RGS17: variants seen among roughly 807,000 people sequenced by gnomAD.
RGS17 encodes the protein regulator of G protein signaling 17, also known as regulator of G-protein signaling 17.
Under a neutral mutation model 25.5 loss-of-function variants are expected in RGS17, and 12 were observed. The ratio of observed to expected loss-of-function variants is 0.47; its 90% CI spans 0.30 to 0.76. The LOEUF (loss-of-function observed/expected upper bound fraction) is 0.76, where lower values mean the gene tolerates loss of function less well. Among genes scored for constraint, RGS17 ranks in the 30% least tolerant of loss-of-function variants. The probability of loss-of-function intolerance (pLI) is 0.07; values close to 1 mark genes in which losing one functional copy is unlikely to be tolerated. For synonymous variants in RGS17, 71 were observed against 76.9 expected (o/e 0.92, Z 0.40); for missense variants, 196 against 242.2 (o/e 0.81, Z 1.27).
intron 2 of RGS17, among the ~76,000 whole-genome samples, chr6:153,035,936 G>A (rs1776233600): frequency 6.6e-6 from 1 of 152,164 alleles, no homozygotes; most frequent in South Asian, 2.1e-4. Flanking sequence ...AAGCCCTCCT[G>A]GCTGGTCAAA....
At chr6:153,093,228 G>A (rs1584153625) in intron 1 of RGS17, among the ~76,000 whole-genome samples, 2 of 152,112 alleles carry the variant, frequency 1.3e-5, no homozygotes, top group African/African-American at 2.4e-5. Flanking sequence ...AGTGGCTATT[G>A]TGTGAATGGC....
chr6:153,020,124 ATATATATATATATATTTTTTTTTTTT>A (rs2129106393), intron 4 of RGS17, among the ~76,000 whole-genome samples: 1 of 92,258 alleles, frequency 1.1e-5, no homozygotes, highest in African/African-American at 4.3e-5. Context: ...ATATATATAT[ATATATATATATATATTTTTTTTTTTT>A]TTTTTTTTTT....
Position 153,021,896 on chromosome 6 carries a change from G to GT in RGS17, c.444+2365dup, listed in dbSNP as rs148078170. Among the ~76,000 whole-genome samples the GT allele has an allele frequency of 8.6e-3, 1,304 of 152,252 alleles. 18 individuals carry two copies. Among genetic ancestry groups the GT allele is most frequent in the African/African-American group, 0.03 (1,248 of 41,548 alleles). ...TTTTAGTGACTTTCTGGTGAAACTT[G>GT]TGTTCAAAAGAAAGAAATTAGGTGA... is the stretch of plus-strand genomic sequence containing the variant. On this transcript the variant is annotated intron_variant, in intron 4 of 4. Coordinates refer to ENST00000206262, the MANE Select transcript of RGS17 (RefSeq NM_012419.5).
At chr6:153,126,776 C>T (rs969288410) in intron 1 of RGS17, among the ~76,000 whole-genome samples, 2 of 151,996 alleles carry the variant, frequency 1.3e-5, no homozygotes, top group Admixed American at 6.5e-5. Flanking sequence ...AATAGAGATA[C>T]GCATACAAAA....
chr6:153,116,467 T>C (rs1479237423), intron 1 of RGS17, among the ~76,000 whole-genome samples: 7 of 152,186 alleles, frequency 4.6e-5, no homozygotes, highest in African/African-American at 1.7e-4. Context: ...GCTTTTACAC[T>C]GTTGGTGGGA....
chr6:153,066,490 T>C (rs1449311887), intron 1 of RGS17, among the ~76,000 whole-genome samples: 1 of 152,088 alleles, frequency 6.6e-6, no homozygotes, highest in African/African-American at 2.4e-5. Context: ...AATACTTCCA[T>C]TCCATGAGGC....
rs541317186 is a variant in RGS17 at position 153,097,425 on chromosome 6, C to T, written c.-26+33699G>A. Reference sequence around the variant, plus strand: ...GCAATTCTCCTGCCGCAGCCTCCCACAATAGTGATTTATAAATGATTTTTT... The same window carrying T: ...GCAATTCTCCTGCCGCAGCCTCCCATAATAGTGATTTATAAATGATTTTTT... On this transcript the variant is annotated intron_variant, in intron 1 of 4. Transcript: ENST00000206262. 4.7e-5 allele frequency among the ~76,000 whole-genome samples: 7 copies of T among 150,490 alleles called. No homozygotes were observed. The South Asian group carries it at 1.5e-3, about 32-fold the overall frequency.
chr6:153,121,731 A>G (rs1048801724), intron 1 of RGS17, among the ~76,000 whole-genome samples: 3 of 152,238 alleles, frequency 2.0e-5, no homozygotes, highest in Non-Finnish European at 4.4e-5. Flanking sequence ...ATGTACTCGA[A>G]ATAGTTGCAT....
At chr6:153,104,202 TTG>T (rs1437970909) in intron 1 of RGS17, among the ~76,000 whole-genome samples, 6 of 152,260 alleles carry the variant, frequency 3.9e-5, no homozygotes, top group Non-Finnish European at 8.8e-5. Context: ...TAATTCAATG[TTG>T]TTTCTTCAAT....
At chr6:153,069,280 T>C (rs1472932231) in intron 1 of RGS17, among the ~76,000 whole-genome samples, 3 of 152,164 alleles carry the variant, frequency 2.0e-5, no homozygotes, top group Non-Finnish European at 1.5e-5. Context: ...ATAAAAAGAA[T>C]GAGATCCTGT....
At position 153,011,603 on chromosome 6, in the gene RGS17, T is replaced by C. The variant is rs767649856; in HGVS notation, c.604A>G (p.Ser202Gly). ...NSQIYKSFVE[S>G]TAGSSSES The stretch of plus-strand genomic sequence containing the variant: ...GATTCAGAAGAAGAGCCAGCAGTAC[T>C]TTCAACAAATGACTTATAAATTTGA... The change falls in exon 5 of 5, where the codon AGT becomes GGT. Residue 202 changes from serine to glycine, a missense_variant. Physicochemically the swap from Ser to Gly is moderately conservative, Grantham distance 56. Coordinates refer to ENST00000206262, the MANE Select transcript of RGS17 (RefSeq NM_012419.5). 6.2e-7 allele frequency: 1 copy of C among 1,610,442 alleles called. No homozygotes were observed. Among genetic ancestry groups the C allele is most frequent in the Non-Finnish European group, 8.5e-7 (1 of 1,177,938 alleles).
intron 1 of RGS17, among the ~76,000 whole-genome samples, chr6:153,055,786 G>A (rs370941412): frequency 2.1e-4 from 32 of 152,244 alleles, no homozygotes; most frequent in Admixed American, 1.2e-3. Flanking sequence ...TTTCATTGTC[G>A]TGCATTAGTT....
chr6:153,109,167 G>A (rs1463298497), intron 1 of RGS17, among the ~76,000 whole-genome samples: 1 of 116,214 alleles, frequency 8.6e-6, no homozygotes, highest in Non-Finnish European at 1.8e-5. Flanking sequence ...GCAGCTAAAC[G>A]CCATTTTTTT....
In RGS17 at chr6:153,005,042, G is replaced by C. The variant is rs560060016; in HGVS notation, c.*6532C>G. The C allele has an allele frequency of 3.9e-5, 6 of 152,258 alleles. No individual in the cohort carries two copies. The highest frequency in any genetic ancestry group is 8.8e-5 in the Non-Finnish European group (6 of 67,994). 9.4% of individuals were successfully genotyped at this position (152,258 alleles called of 1,614,324 possible). The stretch of plus-strand genomic sequence containing the variant: ...GCAAACATTTAAAAATCATATACAA[G>C]AAAGGTGTTTATGACAAATCGGTTA... On this transcript the variant is annotated 3_prime_UTR_variant, in exon 5 of 5. Transcript: ENST00000206262.
At chr6:153,092,775 T>C (rs1160408916) in intron 1 of RGS17, among the ~76,000 whole-genome samples, 1 of 152,240 alleles carries the variant, frequency 6.6e-6, no homozygotes, top group East Asian at 1.9e-4. Context: ...ATATAACTTG[T>C]AACTTAAGTG....
At chr6:153,065,863 T>A (rs769963423) in intron 1 of RGS17, among the ~76,000 whole-genome samples, 72 of 152,006 alleles carry the variant, frequency 4.7e-4, no homozygotes, top group Non-Finnish European at 8.2e-4. Context: ...TAATGATGCA[T>A]CTTCAAGAAC....
chr6:153,020,516 T>C (rs1779238023), intron 4 of RGS17, among the ~76,000 whole-genome samples: 1 of 152,094 alleles, frequency 6.6e-6, no homozygotes, highest in African/African-American at 2.4e-5. Context: ...ATTCTTAAAA[T>C]AAGGTAATGT....
chr6:153,056,188 T>C (rs919407449), intron 1 of RGS17, among the ~76,000 whole-genome samples: 1 of 152,194 alleles, frequency 6.6e-6, no homozygotes, highest in Non-Finnish European at 1.5e-5. Flanking sequence ...TCAATTCTGC[T>C]CACTACAATT....
intron 1 of RGS17, among the ~76,000 whole-genome samples, chr6:153,084,589 G>A (rs953933610): frequency 6.6e-6 from 1 of 152,168 alleles, no homozygotes; most frequent in Non-Finnish European, 1.5e-5. Context: ...AAAGGCTGCA[G>A]GGTTAAGGGA....
Sources: allele counts gnomAD v4.1 joint callset (sites outside exome capture counted in the v4.1 genomes callset), GRCh38; gene constraint gnomAD v4.1.1; transcripts MANE v1.5; gene names NCBI Gene and HGNC (gene_info 2026-07-23, HGNC 2026-07-21).